UNC80: variants seen among roughly 807,000 people sequenced by gnomAD.
The protein encoded by UNC80 is unc-80 subunit of NALCN channel complex.
Under a neutral mutation model 384.6 loss-of-function variants are expected in UNC80, and 164 were observed. The ratio of observed to expected loss-of-function variants is 0.43; its 90% confidence interval spans 0.38 to 0.49. The LOEUF is 0.49. Ranked by LOEUF, UNC80 falls within the 20% of genes least tolerant of loss-of-function variation. The probability of loss-of-function intolerance (pLI) is 0.00; values close to 1 mark genes in which losing one functional copy is unlikely to be tolerated. For synonymous variants in UNC80, 1,486 were observed against 1,527.8 expected, an observed-to-expected ratio of 0.97 and a Z score of 0.64; for missense variants, 3,330 against 4,143.0, an observed-to-expected ratio of 0.80 and a Z score of 5.39.
intron 22 of UNC80, among the ~76,000 whole-genome samples, chr2:209,853,277 A>G (rs988950531): frequency 6.6e-6 from 1 of 152,098 alleles, no homozygotes; most frequent in African/African-American, 2.4e-5. Context: ...ATAATTTTAT[A>G]TTAGAATAGT....
chr2:209,974,030 G>A (rs2092948167), intron 56 of UNC80, among the ~76,000 whole-genome samples: 1 of 152,128 alleles, frequency 6.6e-6, no homozygotes. Context: ...TGAATGAACT[G>A]GGCCAGCAGG....
chr2:209,792,764 C>A (rs2077901883), intron 6 of UNC80, among the ~76,000 whole-genome samples: 1 of 152,168 alleles, frequency 6.6e-6, no homozygotes, highest in South Asian at 2.1e-4. Flanking sequence ...GTGGCCTCTA[C>A]AAAATTTAAA....
intron 61 of UNC80, 83 bp from the exon 62 acceptor site, chr2:209,992,083 A>G (rs2093402699): frequency 3.7e-6 from 4 of 1,073,420 alleles, no homozygotes; most frequent in Non-Finnish European, 5.5e-6. Context: ...ACTGTATCAT[A>G]CAAGTGATTT....
chr2:209,817,036 C>A lies in UNC80; in HGVS notation c.1463C>A (p.Thr488Lys), dbSNP rs1222726962. 1 of 1,551,590 alleles carries A rather than the reference C, an allele frequency of 6.4e-7. No individual in the cohort carries two copies. Among genetic ancestry groups the A allele is most frequent in the African/African-American group, 1.4e-5 (1 of 73,006 alleles). Residue 488 changes from threonine to lysine, a missense_variant, in exon 10 of 65, where the codon ACG (threonine) becomes AAG (lysine). Physicochemically the swap from Thr to Lys is moderately conservative, Grantham distance 78 (BLOSUM62 -1). Transcript: ENST00000673920. ...LHEDHLDVSP[T>K]RSTFSFGSFS... ...GAGGACCACCTGGATGTGTCCCCCA[C>A]GCGCAGCACATTCTCCTTTGGAAGT... is the stretch of plus-strand genomic sequence containing the variant.
In UNC80 at chr2:209,912,550, G is replaced by A. The variant is rs1362688524; in HGVS notation, c.4783-10G>A. ...CATCACTCTTCATTACATATCCCTG[G>A]TCTTTTCAGTGCTCAGATAAGTCAT... On this transcript the variant is annotated splice_polypyrimidine_tract_variant and intron_variant, in intron 29 of 64. Coordinates refer to ENST00000673920, the MANE Select transcript of UNC80 (RefSeq NM_001371986.1). 25 of 1,536,358 alleles carry A rather than the reference G, an allele frequency of 1.6e-5. No individual in the cohort carries two copies. In the East Asian group the frequency reaches 5.4e-4, roughly 33 times the overall value.
chr2:209,917,430 C>T (rs774980356), intron 31 of UNC80, among the ~76,000 whole-genome samples: 124 of 152,142 alleles, frequency 8.2e-4, no homozygotes, highest in African/African-American at 7.7e-4. Context: ...TTATTGTCCT[C>T]GGGTTACTAA....
chr2:209,931,261 T>G (rs1160655665), intron 38 of UNC80, among the ~76,000 whole-genome samples: 2 of 152,128 alleles, frequency 1.3e-5, no homozygotes, highest in African/African-American at 2.4e-5. Context: ...TGTCTTCCTT[T>G]AGCAATATAT....
intron 44 of UNC80, 48 bp from the exon 45 acceptor site, chr2:209,943,332 T>C: frequency 6.5e-7 from 1 of 1,548,194 alleles, no homozygotes; most frequent in Non-Finnish European, 8.7e-7. Context: ...GAGTACAACT[T>C]TGATACTTCA....
rs147973912 is a variant in UNC80, at chr2:209,922,531, C to G, written c.5662+148C>G. ...ATTCTAAAAAAAATTAGCATGGCAT[C>G]CTTTAAAAAAAAATTGTTGATTTAC... On this transcript the variant is annotated intron_variant, in intron 35 of 64. Transcript: ENST00000673920. 191 of 1,011,326 alleles carry G rather than the reference C, an allele frequency of 1.9e-4. 1 individual carries two copies. In the East Asian group the frequency reaches 5.2e-3, roughly 28 times the overall value. 62.6% of individuals were successfully genotyped at this position (1,011,326 alleles called of 1,614,324 possible).
At chr2:209,788,551 A>C (rs1434784064) in intron 5 of UNC80, among the ~76,000 whole-genome samples, 1 of 147,922 alleles carries the variant, frequency 6.8e-6, no homozygotes, top group Non-Finnish European at 1.5e-5. Context: ...ATAATAATAT[A>C]TACTATAAAA....
chr2:209,829,431 GGTAGT>G, intron 15 of UNC80, 52 bp downstream of exon 15: 1 of 1,541,712 alleles, frequency 6.5e-7, no homozygotes. Flanking sequence ...AGGTGAATCA[GGTAGT>G]GTTTCAAGGG....
intron 22 of UNC80, among the ~76,000 whole-genome samples, chr2:209,865,488 G>GCTC (rs1261858617): frequency 6.6e-6 from 1 of 151,630 alleles, no homozygotes; most frequent in Non-Finnish European, 1.5e-5. Flanking sequence ...TGTAGTCCCA[G>GCTC]CTCCTCGGGA....
At position 209,777,480 on chromosome 2, in the gene UNC80, G is replaced by A. The variant is rs768010951; in HGVS notation, c.521G>A (p.Arg174Gln). ...SSSNDEEENN[R>Q]RKIFQNSMAT... ...TCTAATGACGAAGAAGAGAACAACCGAAGAAAGATCTTCCAGAACTCCATG... is the reference window on the plus strand; with the variant it reads ...TCTAATGACGAAGAAGAGAACAACCAAAGAAAGATCTTCCAGAACTCCATG... The change falls in exon 4 of 65, where the codon CGA becomes CAA. Residue 174 changes from arginine to glutamine, a missense_variant. Arg to Gln is a conservative substitution (Grantham distance 43, BLOSUM62 1). Transcript: ENST00000673920. The A allele has an allele frequency of 5.6e-6, 9 of 1,614,156 alleles. No homozygotes were observed. Among genetic ancestry groups the A allele is most frequent in the Admixed American group, 1.7e-5 (1 of 60,012 alleles).
intron 6 of UNC80, 64 bp downstream of exon 6, chr2:209,789,669 A>G: frequency 1.7e-6 from 2 of 1,186,460 alleles, no homozygotes; most frequent in South Asian, 1.3e-5. Context: ...TGTAGTGTGA[A>G]GGGAAAGACA....
At chr2:209,797,974 G>T (rs1050590316) in intron 7 of UNC80, among the ~76,000 whole-genome samples, 1 of 152,086 alleles carries the variant, frequency 6.6e-6, no homozygotes, top group Admixed American at 6.6e-5. Flanking sequence ...AGAAATGACT[G>T]TTCATATCCT....
chr2:209,801,060 C>T (rs959085616), intron 7 of UNC80, among the ~76,000 whole-genome samples: 2 of 152,154 alleles, frequency 1.3e-5, no homozygotes, highest in African/African-American at 4.8e-5. Flanking sequence ...CTGTAAACGT[C>T]TACTAAGTCT....
rs1212108494 is a variant in UNC80 at position 209,815,371 on chromosome 2, G to C, written c.1315G>C (p.Gly439Arg). Reference protein sequence around the residue: ...SAVPDLSSDLGMNIFKKFKSR... With the variant: ...SAVPDLSSDLRMNIFKKFKSR... ...AGTCCCAGATCTTTCTTCAGACCTGGGCATGAATATTTTTAAAAAGGTGAG... is the reference window on the plus strand; with the variant it reads ...AGTCCCAGATCTTTCTTCAGACCTGCGCATGAATATTTTTAAAAAGGTGAG... The change falls in exon 9 of 65, where the codon GGC (glycine) becomes CGC (arginine). Residue 439 changes from glycine to arginine, a missense_variant. Transcript: ENST00000673920. 2 of 1,550,924 alleles carry C rather than the reference G, an allele frequency of 1.3e-6. No individual in the cohort carries two copies. The highest frequency in any genetic ancestry group is 1.7e-6 in the Non-Finnish European group (2 of 1,146,794).
chr2:209,978,126 C>T (rs549530643), intron 58 of UNC80, among the ~76,000 whole-genome samples: 1 of 152,124 alleles, frequency 6.6e-6, no homozygotes, highest in African/African-American at 2.4e-5. Context: ...TCACATCAGA[C>T]AACTTATTTA....
rs1284372064 is a variant in UNC80 at position 209,904,934 on chromosome 2, G to A, written c.4751G>A (p.Ser1584Asn). ...DSLRESSNIS[S>N]VALRGKKQKE... ...CTGAGGGAAAGCAGCAACATCAGCA[G>A]TGTGGCTCTCCGGGGCAAGAAACAG... The change falls in exon 29 of 65, where the codon AGT becomes AAT. Residue 1584 changes from serine to asparagine, a missense_variant. By Grantham distance (46) the Ser-to-Asn change is conservative. Coordinates refer to ENST00000673920, the MANE Select transcript of UNC80 (RefSeq NM_001371986.1). 2 of 1,551,738 alleles carry A rather than the reference G, an allele frequency of 1.3e-6. No individual in the cohort carries two copies. The highest frequency in any genetic ancestry group is 4.9e-5 in the East Asian group (2 of 40,912).
Sources: gnomAD v4.1 joint callset for allele counts (sites outside exome capture counted in the v4.1 genomes callset) on GRCh38, gnomAD v4.1.1 for gene constraint, MANE v1.5 for transcripts, NCBI Gene and HGNC (gene_info 2026-07-23, HGNC 2026-07-21) for gene names.